The following SIPA1L3 variants were observed in gnomAD, a reference collection of about 807,000 sequenced individuals.
The protein encoded by SIPA1L3 is signal induced proliferation associated 1 like 3, also known as signal-induced proliferation-associated 1-like protein 3.
Under a neutral mutation model 150.1 loss-of-function variants are expected in SIPA1L3, and 59 were observed. That is an observed-to-expected ratio of 0.39 (90% CI 0.32 to 0.49). The LOEUF (loss-of-function observed/expected upper bound fraction) is 0.49. Ranked by LOEUF, SIPA1L3 falls within the 20% of genes least tolerant of loss-of-function variation. The pLI, the probability that SIPA1L3 is intolerant of heterozygous loss-of-function variation, is 0.86. For missense variants in SIPA1L3, 2,211 were observed against 2,489.5 expected (o/e 0.89, Z 2.38); for synonymous variants, 1,070 against 1,077.6 (o/e 0.99, Z 0.14).
At position 38,164,714 on chromosome 19, in the gene SIPA1L3, G is replaced by C. The variant is rs776703267; in HGVS notation, c.4016G>C (p.Gly1339Ala). The C allele has an allele frequency of 1.2e-6, 2 of 1,614,088 alleles. No individual in the cohort carries two copies. Among genetic ancestry groups the C allele is most frequent in the Admixed American group, 3.3e-5 (2 of 60,004 alleles). Residue 1339 changes from glycine to alanine, a missense_variant, in exon 15 of 22, where the codon GGA becomes GCA. Coordinates refer to ENST00000222345, the MANE Select transcript of SIPA1L3 (RefSeq NM_015073.3). This position sits in a 1 kb window ranked among gnomAD's most constrained non-coding sequence, Gnocchi z 4.1. ...PRPAKPHKPP[G>A]SMGLCGGGRE... ...CCCGCCAAGCCACACAAGCCCCCTG[G>C]AAGTATGGGCCTTTGTGGCGGGGGT...
At chr19:38,110,072 G>A in intron 7 of SIPA1L3, 155 bp from the exon 8 acceptor site, 1 of 710,316 alleles carries the variant, frequency 1.4e-6, no homozygotes, top group South Asian at 1.7e-5. Flanking sequence ...GGGAACCACA[G>A]GAAGGTTTGT....
At chr19:38,110,587 G>A (rs1970716381) in intron 8 of SIPA1L3, among the ~76,000 whole-genome samples, 2 of 152,210 alleles carry the variant, frequency 1.3e-5, no homozygotes, top group Admixed American at 6.5e-5. Context: ...GAAACCATCA[G>A]GGATTTGTAT....
intron 2 of SIPA1L3, among the ~76,000 whole-genome samples, chr19:38,051,466 G>C (rs1287534199): frequency 6.6e-6 from 1 of 152,212 alleles, no homozygotes; most frequent in African/African-American, 2.4e-5. Flanking sequence ...GCTGGGTCCA[G>C]GGATATGCAT....
chr19:37,926,640 C>A (rs755559300), intron 1 of SIPA1L3, among the ~76,000 whole-genome samples: 2 of 152,056 alleles, frequency 1.3e-5, no homozygotes, highest in Non-Finnish European at 2.9e-5. Flanking sequence ...CTCCCTGTAG[C>A]GATGGGAGAC....
chr19:38,107,515 C>T (rs1371608314), intron 7 of SIPA1L3, among the ~76,000 whole-genome samples: 1 of 152,236 alleles, frequency 6.6e-6, no homozygotes, highest in Admixed American at 6.5e-5. Context: ...ACCTTGCAGG[C>T]TGGGCCCACA....
chr19:38,125,687 TAC>T (rs1330853208), intron 9 of SIPA1L3, among the ~76,000 whole-genome samples: 20 of 152,086 alleles, frequency 1.3e-4, no homozygotes, highest in Admixed American at 1.3e-3. Context: ...ACCCACAGGG[TAC>T]AGATTCCACA....
chr19:38,110,142 G>T (rs911118115), intron 7 of SIPA1L3, 85 bp from the exon 8 acceptor site: 5 of 1,333,366 alleles, frequency 3.7e-6, no homozygotes, highest in East Asian at 4.6e-5. Flanking sequence ...GGGGGTGGGT[G>T]GGGGGAGCTG....
chr19:38,204,063 T>G (rs1258512808), intron 20 of SIPA1L3, 64 bp from the exon 21 acceptor site: 2 of 1,344,576 alleles, frequency 1.5e-6, no homozygotes, highest in African/African-American at 2.9e-5. Flanking sequence ...TCCTCAGATG[T>G]GGGCCAGAAG....
At chr19:38,070,290 G>GC (rs2145798126) in intron 2 of SIPA1L3, among the ~76,000 whole-genome samples, 1 of 151,894 alleles carries the variant, frequency 6.6e-6, no homozygotes, top group East Asian at 1.9e-4. Flanking sequence ...GCTCACTGCA[G>GC]CCTTGACCTC....
intron 15 of SIPA1L3, among the ~76,000 whole-genome samples, chr19:38,178,733 C>T (rs187111558): frequency 2.8e-4 from 42 of 152,276 alleles, no homozygotes; most frequent in Non-Finnish European, 4.9e-4. Flanking sequence ...GTCTTGGCCT[C>T]CCAAAGTGCC....
chr19:38,051,976 C>T (rs1969205163), intron 2 of SIPA1L3, among the ~76,000 whole-genome samples: 1 of 152,242 alleles, frequency 6.6e-6, no homozygotes, highest in African/African-American at 2.4e-5. Context: ...ACACAGTTGT[C>T]ACCAGATTCT....
In SIPA1L3 at chr19:38,198,548, C is replaced by G. The variant is rs147563813; in HGVS notation, c.4984+16C>G. The G allele has an allele frequency of 6.5e-3, 9,707 of 1,500,286 alleles. 43 individuals are homozygous for G. Among genetic ancestry groups the G allele is most frequent in the Non-Finnish European group, 7.7e-3 (8,631 of 1,123,476 alleles). 92.9% of individuals were successfully genotyped at this position (1,500,286 alleles called of 1,614,324 possible). On this transcript the variant is annotated intron_variant, in intron 19 of 21. Transcript: ENST00000222345. ...GCATACGAAGGTAGGCGCCTTCCAC[C>G]CAGTCCCGCCAGGCCCCCACCCCGT...
intron 15 of SIPA1L3, among the ~76,000 whole-genome samples, chr19:38,178,089 GTGTGTGTGT>G (rs1568594683): frequency 8.7e-4 from 7 of 8,092 alleles, no homozygotes; most frequent in Non-Finnish European, 1.6e-3. Flanking sequence ...GGCTTTTGGT[GTGTGTGTGT>G]GTGTGTGTGT....
At chr19:38,197,482 C>A (rs1014724806) in intron 18 of SIPA1L3, among the ~76,000 whole-genome samples, 1 of 152,088 alleles carries the variant, frequency 6.6e-6, no homozygotes. Context: ...AACCTGCCCC[C>A]CCACGGCAAC....
rs1372449556 is a variant in SIPA1L3, at chr19:38,039,292, A to AT, written c.-311+10143dup. On this transcript the variant is annotated intron_variant, in intron 2 of 21. Coordinates refer to ENST00000222345, the MANE Select transcript of SIPA1L3 (RefSeq NM_015073.3). ...TTATGAGCTGGTGTGTGTCTTCCAG[A>AT]TTTTTTTCAACACTTGTACCTAAAA... Among the ~76,000 whole-genome samples, 42 of 147,816 alleles carry AT rather than the reference A, an allele frequency of 2.8e-4. No homozygotes were observed. The East Asian group carries it at 8.1e-3, about 28-fold the overall frequency.
intron 10 of SIPA1L3, among the ~76,000 whole-genome samples, chr19:38,138,910 A>AAAACAAGAAACAAAAAC (rs1555791055): frequency 8.9e-6 from 1 of 112,786 alleles, no homozygotes; most frequent in African/African-American, 3.8e-5. Flanking sequence ...AAAAAAAAAA[A>AAAACAAGAAACAAAAAC]AAAAACTGAG....
chr19:37,988,441 C>T (rs896670273), intron 1 of SIPA1L3, among the ~76,000 whole-genome samples: 3 of 152,052 alleles, frequency 2.0e-5, no homozygotes. Flanking sequence ...TTTGGGAGGC[C>T]GAGGCGGGTG....
chr19:38,024,640 G>A (rs16979230), intron 1 of SIPA1L3, among the ~76,000 whole-genome samples: 24,686 of 152,140 alleles, frequency 0.16, 2,081 homozygotes, highest in South Asian at 0.24. Context: ...CTAGATCAAA[G>A]CATTCTTCAC....
intron 1 of SIPA1L3, among the ~76,000 whole-genome samples, chr19:37,950,548 A>G (rs1362667529): frequency 6.6e-6 from 1 of 152,216 alleles, no homozygotes; most frequent in Admixed American, 6.5e-5. Context: ...TGGAAATTCA[A>G]GAGATCCCAA....
Sources: gnomAD v4.1 joint callset for allele counts (sites outside exome capture counted in the v4.1 genomes callset) on GRCh38, gnomAD v4.1.1 for gene constraint, Gnocchi (gnomAD v3.1) non-coding constraint, MANE v1.5 for transcripts, NCBI Gene and HGNC (gene_info 2026-07-23, HGNC 2026-07-21) for gene names.